The following RB1 variants were observed in gnomAD, a reference collection of about 807,000 sequenced individuals.
The protein encoded by RB1 is RB transcriptional corepressor 1.
A neutral mutation model predicts 135.4 loss-of-function variants in RB1; 18 were observed. That is an observed-to-expected ratio of 0.13 (90% CI 0.09 to 0.20). The LOEUF (loss-of-function observed/expected upper bound fraction) is 0.20, where lower values mean the gene tolerates loss of function less well. Ranked by LOEUF, RB1 falls within the 10% of genes least tolerant of loss-of-function variation. RB1 has a pLI of 1.00. For synonymous variants in RB1, 365 were observed against 373.2 expected, an observed-to-expected ratio of 0.98 and a Z score of 0.25; for missense variants, 868 against 1,110.0, an observed-to-expected ratio of 0.78 and a Z score of 3.10.
At chr13:48,464,215 A>T (rs1949422766) in intron 21 of RB1, among the ~76,000 whole-genome samples, 1 of 152,234 alleles carries the variant, frequency 6.6e-6, no homozygotes, top group African/African-American at 2.4e-5. Flanking sequence ...ACAAATGTTC[A>T]GTATAAACAC....
chr13:48,306,613 T>C (rs1027023898), intron 1 of RB1, among the ~76,000 whole-genome samples: 1 of 152,184 alleles, frequency 6.6e-6, no homozygotes, highest in Non-Finnish European at 1.5e-5. Flanking sequence ...AGAATACTTA[T>C]CTAAAAGGGC....
chr13:48,477,794 C>A (rs1949513252), intron 26 of RB1, among the ~76,000 whole-genome samples: 1 of 152,142 alleles, frequency 6.6e-6, no homozygotes, highest in Non-Finnish European at 1.5e-5. Context: ...AAGGAATAAC[C>A]TTTGATTCTA....
chr13:48,318,075 T>TCAGAGGCGGAGG lies in RB1; in HGVS notation c.264+10678_264+10689dup, dbSNP rs375551734. On this transcript the variant is annotated intron_variant, in intron 2 of 26. Coordinates refer to ENST00000267163, the MANE Select transcript of RB1 (RefSeq NM_000321.3). ...CATTCCCTGGGGAAATGGATTCCCT[T>TCAGAGGCGGAGG]CAGAGGCGGAGGCAGAGGCGCATCC... 3.7e-5 allele frequency: 20 copies of TCAGAGGCGGAGG among 538,152 alleles called. No homozygotes were observed. In the African/African-American group the frequency reaches 3.8e-4, roughly 10 times the overall value. 33.3% of individuals were successfully genotyped at this position (538,152 alleles called of 1,614,324 possible).
At chr13:48,438,143 C>G (rs536547929) in intron 17 of RB1, among the ~76,000 whole-genome samples, 1 of 152,282 alleles carries the variant, frequency 6.6e-6, no homozygotes, top group South Asian at 2.1e-4. Context: ...TTATATTTTG[C>G]TATTTCCTTG....
At chr13:48,451,280 T>C (rs1431903713) in intron 17 of RB1, among the ~76,000 whole-genome samples, 3 of 152,226 alleles carry the variant, frequency 2.0e-5, no homozygotes, top group Non-Finnish European at 4.4e-5. Flanking sequence ...TTGTCATAGA[T>C]GGCTCTTTGA....
At chr13:48,306,418 A>G (rs1429859617) in intron 1 of RB1, among the ~76,000 whole-genome samples, 1 of 152,206 alleles carries the variant, frequency 6.6e-6, no homozygotes, top group African/African-American at 2.4e-5. Flanking sequence ...ACAAGAAAAA[A>G]AAACAAAAAC....
chr13:48,319,627 C>A lies in RB1; in HGVS notation c.264+12221C>A. On this transcript the variant is annotated intron_variant, in intron 2 of 26. Transcript: ENST00000267163. This position sits in a 1 kb window ranked among gnomAD's most constrained non-coding sequence, Gnocchi z 5.0. ...GCTAACCGGGGAGGTTTGCGAAAGG[C>A]GAACTCTTTATGGGCGCCCTTCAGA... The A allele has an allele frequency of 3.9e-6, 1 of 253,750 alleles. No homozygotes were observed. The allele number at this position is 253,750 out of a possible 1,614,324, so 15.7% of individuals were successfully genotyped here. A position where few individuals can be genotyped will look rare whatever the true frequency, so the allele number is the denominator to read the frequency against.
At chr13:48,344,418 C>T (rs1952474046) in intron 3 of RB1, among the ~76,000 whole-genome samples, 1 of 151,904 alleles carries the variant, frequency 6.6e-6, no homozygotes, top group African/African-American at 2.4e-5. Flanking sequence ...GATGGGGCTG[C>T]TTTGTGTGCA....
At chr13:48,360,730 G>A (rs1182616555) in intron 7 of RB1, 1 of 152,310 alleles carries the variant, frequency 6.6e-6, no homozygotes, top group Non-Finnish European at 1.5e-5. Context: ...CATTAAGGAA[G>A]TATGAGTAAG....
intron 6 of RB1, among the ~76,000 whole-genome samples, chr13:48,349,988 A>G (rs889095930): frequency 6.6e-6 from 1 of 152,156 alleles, no homozygotes. Flanking sequence ...GCAAGAGGAT[A>G]TAACAGTGTT....
At chr13:48,329,928 G>C (rs1255239900) in intron 2 of RB1, among the ~76,000 whole-genome samples, 1 of 151,930 alleles carries the variant, frequency 6.6e-6, no homozygotes, top group Non-Finnish European at 1.5e-5. Context: ...CATATGTCAG[G>C]CCATAAAACA....
intron 17 of RB1, among the ~76,000 whole-genome samples, chr13:48,405,850 C>T (rs1305599278): frequency 1.3e-5 from 2 of 151,978 alleles, no homozygotes; most frequent in East Asian, 1.9e-4. Context: ...CAGGTATGCA[C>T]GTTTTATTTT....
chr13:48,367,624 G>A (rs571049658), intron 10 of RB1, 21 bp downstream of exon 10: 1 of 1,596,444 alleles, frequency 6.3e-7, no homozygotes, highest in Non-Finnish European at 8.6e-7. Flanking sequence ...TGGTATATTT[G>A]ATTGATTTGC....
chr13:48,463,352 G>A (rs1949417337), intron 20 of RB1, among the ~76,000 whole-genome samples: 1 of 152,144 alleles, frequency 6.6e-6, no homozygotes, highest in Non-Finnish European at 1.5e-5. Context: ...CCACCACCAA[G>A]TGTGTTCAAT....
chr13:48,443,533 A>G (rs547636775), intron 17 of RB1, among the ~76,000 whole-genome samples: 1 of 152,328 alleles, frequency 6.6e-6, no homozygotes, highest in East Asian at 1.9e-4. Flanking sequence ...ACTTATTTTG[A>G]AGATTAAATG....
At chr13:48,360,201 C>T (rs1952627043) in intron 7 of RB1, 74 bp downstream of exon 7, 1 of 1,597,534 alleles carries the variant, frequency 6.3e-7, no homozygotes, top group East Asian at 2.3e-5. Flanking sequence ...GGGTACCAAA[C>T]ATGGTTCTAA....
chr13:48,321,274 A>G (rs958466886), intron 2 of RB1, among the ~76,000 whole-genome samples: 2 of 151,616 alleles, frequency 1.3e-5, no homozygotes, highest in African/African-American at 4.8e-5. Context: ...TTCCACATAT[A>G]AATGAGGCAA....
chr13:48,350,316 A>T (rs1952536547), intron 6 of RB1, among the ~76,000 whole-genome samples: 1 of 152,206 alleles, frequency 6.6e-6, no homozygotes, highest in Non-Finnish European at 1.5e-5. Flanking sequence ...ATGAAATAAT[A>T]TCAAGCATAT....
intron 2 of RB1, among the ~76,000 whole-genome samples, chr13:48,312,457 T>C (rs998352878): frequency 6.6e-6 from 1 of 152,206 alleles, no homozygotes; most frequent in African/African-American, 2.4e-5. Context: ...TTGTTCCTTA[T>C]CTGGCTTGTT....
Sources: allele counts gnomAD v4.1 joint callset (sites outside exome capture counted in the v4.1 genomes callset), GRCh38; gene constraint gnomAD v4.1.1; non-coding constraint Gnocchi (gnomAD v3.1); transcripts MANE v1.5; gene names NCBI Gene and HGNC (gene_info 2026-07-23, HGNC 2026-07-21).